The following MIPEP variants were observed in gnomAD, a reference collection of about 807,000 sequenced individuals.
MIPEP encodes the protein mitochondrial intermediate peptidase.
In MIPEP, 79 loss-of-function variants were observed where a neutral mutation model predicts 90.3. The ratio of observed to expected loss-of-function variants is 0.87; its 90% confidence interval spans 0.73 to 1.05. The LOEUF is 1.05. Ranked by LOEUF, MIPEP falls within the 50% of genes least tolerant of loss-of-function variation. The pLI is 0.00. For missense variants in MIPEP, 940 were observed against 905.6 expected (o/e 1.04, Z -0.49); for synonymous variants, 334 against 315.8 (o/e 1.06, Z -0.61).
At chr13:23,791,448 C>G (rs1050057089) in intron 16 of MIPEP, among the ~76,000 whole-genome samples, 2 of 152,166 alleles carry the variant, frequency 1.3e-5, no homozygotes, top group African/African-American at 2.4e-5. Context: ...AGCTGGTGCC[C>G]TGCTTCCGAT....
chr13:23,740,469 A>G (rs970548446), intron 18 of MIPEP, among the ~76,000 whole-genome samples: 3 of 151,990 alleles, frequency 2.0e-5, no homozygotes, highest in Non-Finnish European at 4.4e-5. Context: ...TTGATAAGCC[A>G]GAGTTGGTTC....
At chr13:23,777,314 T>G (rs929091943) in intron 16 of MIPEP, among the ~76,000 whole-genome samples, 9 of 152,238 alleles carry the variant, frequency 5.9e-5, no homozygotes, top group African/African-American at 1.9e-4. Context: ...GTCTTCATGA[T>G]GCACTTAAAA....
At chr13:23,847,567 A>C (rs546897504) in intron 10 of MIPEP, among the ~76,000 whole-genome samples, 1 of 152,268 alleles carries the variant, frequency 6.6e-6, no homozygotes, top group South Asian at 2.1e-4. Context: ...GATAACCTGG[A>C]AACACTAGCT....
At chr13:23,801,783 T>C (rs1182840998) in intron 16 of MIPEP, among the ~76,000 whole-genome samples, 1 of 152,202 alleles carries the variant, frequency 6.6e-6, no homozygotes, top group Non-Finnish European at 1.5e-5. Context: ...AGCTGAACAG[T>C]ATTCCAGCTG....
At chr13:23,764,686 T>TAG (rs111369614) in intron 16 of MIPEP, among the ~76,000 whole-genome samples, 5,580 of 152,176 alleles carry the variant, frequency 0.037, 354 homozygotes, top group African/African-American at 0.13. Flanking sequence ...GCCTCCTGAG[T>TAG]AGCTGGGACC....
At chr13:23,813,198 T>C (rs1487775363) in intron 14 of MIPEP, among the ~76,000 whole-genome samples, 1 of 152,310 alleles carries the variant, frequency 6.6e-6, no homozygotes, top group Non-Finnish European at 1.5e-5. Flanking sequence ...ATAAACAACG[T>C]TTCAAAATTA....
In MIPEP at chr13:23,869,412, T is replaced by C. The variant is rs1870685216; in HGVS notation, c.823A>G (p.Asn275Asp). 1.2e-6 allele frequency: 2 copies of C among 1,605,544 alleles called. No individual in the cohort carries two copies. Among genetic ancestry groups the C allele is most frequent in the Non-Finnish European group, 8.5e-7 (1 of 1,178,156 alleles). The change falls in exon 7 of 19, where the codon AAT becomes GAT. Residue 275 changes from asparagine (N) to aspartate (D), a missense_variant. By Grantham distance (23) the Asn-to-Asp change is conservative (BLOSUM62 1). Coordinates refer to ENST00000382172, the MANE Select transcript of MIPEP (RefSeq NM_005932.4). ...TCTAAACATTTCAATTGACCAGCAT[T>C]GGGATAAAGAAAAATTTTATAAGCA... ...EAAYKIFLYP[N>D]AGQLKCLEEL...
intron 5 of MIPEP, among the ~76,000 whole-genome samples, chr13:23,874,066 C>T (rs991383683): frequency 6.6e-6 from 1 of 152,198 alleles, no homozygotes; most frequent in African/African-American, 2.4e-5. Context: ...TTAATCTCTT[C>T]ATAGGTAAGT....
rs1441871418 is a variant in MIPEP, at chr13:23,805,015, A to G, written c.1848+935T>C. ...GAAAAACACCGAGCTGAGAGGCAGAAAGAGAGAGAAACATTTCTAACGACA... is the reference window on the plus strand; with the variant it reads ...GAAAAACACCGAGCTGAGAGGCAGAGAGAGAGAGAAACATTTCTAACGACA... On this transcript the variant is annotated intron_variant, in intron 16 of 18. Transcript: ENST00000382172. Among the ~76,000 whole-genome samples the G allele has an allele frequency of 3.9e-5, 6 of 152,320 alleles. No homozygotes were observed. In the East Asian group the frequency reaches 7.7e-4, roughly 20 times the overall value.
intron 7 of MIPEP, among the ~76,000 whole-genome samples, chr13:23,867,845 C>T (rs1570978): frequency 0.94 from 142,919 of 152,128 alleles, 67,167 homozygotes; most frequent in East Asian, 1. Context: ...ATCTGTGACA[C>T]GAATACAAAT....
intron 14 of MIPEP, among the ~76,000 whole-genome samples, chr13:23,810,632 T>C (rs1322297816): frequency 6.6e-6 from 1 of 152,244 alleles, no homozygotes; most frequent in African/African-American, 2.4e-5. Flanking sequence ...GATACCGATT[T>C]ACAACCTAAT....
In MIPEP at chr13:23,819,706, TA is replaced by T. The variant is rs370637778; in HGVS notation, c.1654-9783del. Among the ~76,000 whole-genome samples the T allele has an allele frequency of 4.5e-3, 659 of 147,104 alleles. 5 individuals are homozygous for T. The highest frequency in any genetic ancestry group is 0.024 in the Middle Eastern group (7 of 288). On this transcript the variant is annotated intron_variant, in intron 14 of 18. Transcript: ENST00000382172. Reference sequence around the variant, plus strand: ...ACAGCGTAAATTCTCCACTTTTTATTAAAAAAAAAAATAGAAAAAAAGCCGG... The same window carrying T: ...ACAGCGTAAATTCTCCACTTTTTATTAAAAAAAAAATAGAAAAAAAGCCGG...
intron 16 of MIPEP, among the ~76,000 whole-genome samples, chr13:23,771,623 T>C (rs1952652858): frequency 6.6e-6 from 1 of 151,984 alleles, no homozygotes; most frequent in African/African-American, 2.4e-5. Context: ...TATTAGCTTC[T>C]CATAAGCTTA....
chr13:23,889,157 C>A lies in MIPEP; in HGVS notation c.164G>T (p.Arg55Leu), dbSNP rs879451920. Residue 55 changes from arginine (R) to leucine (L), a missense_variant, in exon 1 of 19, where the codon CGC becomes CTC. By Grantham distance (102) the Arg-to-Leu change is moderately radical (BLOSUM62 -2). Transcript: ENST00000382172. ...AAFNVKPQGS[R>L]LDLFGERRGL... ...CCGGCGCTCGCCGAACAGGTCCAAG[C>A]GGCTGCCCTGGGGCTTGACATTGAA... The A allele has an allele frequency of 1.4e-6, 2 of 1,462,390 alleles. No individual in the cohort carries two copies. The allele number at this position is 1,462,390 out of a possible 1,614,324, so 90.6% of individuals were successfully genotyped here. A position where few individuals can be genotyped will look rare whatever the true frequency, so the allele number is the denominator to read the frequency against.
At chr13:23,792,479 A>T (rs1316157054) in intron 16 of MIPEP, among the ~76,000 whole-genome samples, 1 of 152,186 alleles carries the variant, frequency 6.6e-6, no homozygotes, top group Non-Finnish European at 1.5e-5. Context: ...GACTGGACTC[A>T]AGTGATCCTC....
At chr13:23,885,450 T>C (rs944187999) in intron 2 of MIPEP, among the ~76,000 whole-genome samples, 27 of 152,276 alleles carry the variant, frequency 1.8e-4, no homozygotes, top group Non-Finnish European at 3.5e-4. Context: ...AGAGTATAAT[T>C]GGATTGTTTG....
chr13:23,760,218 C>T lies in MIPEP; in HGVS notation c.1849-1G>A. On this transcript the variant is annotated splice_acceptor_variant, in intron 16 of 18. Transcript: ENST00000382172. LOFTEE classifies it high-confidence loss of function. ...GGTGGCTGAATCGCAGCTGCCAGGC[C>T]TGCCAAGAACAGAGAGACACAGCAC... is the stretch of plus-strand genomic sequence containing the variant. The T allele has an allele frequency of 6.2e-7, 1 of 1,613,990 alleles. No homozygotes were observed.
intron 10 of MIPEP, among the ~76,000 whole-genome samples, chr13:23,842,006 T>C (rs1184656100): frequency 2.0e-5 from 3 of 152,218 alleles, no homozygotes; most frequent in Non-Finnish European, 4.4e-5. Context: ...TCAGATCTTA[T>C]CTGTTTTATA....
intron 2 of MIPEP, among the ~76,000 whole-genome samples, chr13:23,882,959 A>G (rs1005357365): frequency 3.3e-5 from 5 of 152,144 alleles, no homozygotes; most frequent in Non-Finnish European, 7.4e-5. Flanking sequence ...TGTAATAGTG[A>G]TGAGGAAAAC....
Sources: gnomAD v4.1 joint callset for allele counts (sites outside exome capture counted in the v4.1 genomes callset) on GRCh38, gnomAD v4.1.1 for gene constraint, MANE v1.5 for transcripts, NCBI Gene and HGNC (gene_info 2026-07-23, HGNC 2026-07-21) for gene names.